MICU1: variants seen among roughly 807,000 people sequenced by gnomAD.
MICU1 encodes the protein calcium uptake protein 1, mitochondrial.
Under a neutral mutation model 56.8 loss-of-function variants are expected in MICU1, and 45 were observed. That is an observed-to-expected ratio of 0.79 (90% CI 0.62 to 1.02). MICU1 has a LOEUF of 1.02. Among genes scored for constraint, MICU1 ranks in the 50% least tolerant of loss-of-function variants. MICU1 has a pLI of 0.00. For synonymous variants in MICU1, 186 were observed against 195.1 expected (o/e 0.95, Z 0.39); for missense variants, 504 against 587.1 (o/e 0.86, Z 1.46).
intron 1 of MICU1, among the ~76,000 whole-genome samples, chr10:72,618,266 A>C (rs909872743): frequency 6.6e-6 from 1 of 151,904 alleles, no homozygotes; most frequent in Non-Finnish European, 1.5e-5. Context: ...ATAATTGCAT[A>C]CCTTTATTAT....
chr10:72,539,878 T>A (rs938503993), intron 4 of MICU1, among the ~76,000 whole-genome samples: 4 of 152,212 alleles, frequency 2.6e-5, no homozygotes, highest in African/African-American at 9.6e-5. Flanking sequence ...AGATAAATTA[T>A]TCTATCAACT....
chr10:72,453,588 G>C (rs1437010247), intron 8 of MICU1, among the ~76,000 whole-genome samples: 1 of 152,046 alleles, frequency 6.6e-6, no homozygotes, highest in Non-Finnish European at 1.5e-5. Flanking sequence ...GGAGTGCAGT[G>C]GCATATTCCT....
chr10:72,610,459 C>T (rs1841814319), intron 1 of MICU1, among the ~76,000 whole-genome samples: 1 of 151,902 alleles, frequency 6.6e-6, no homozygotes, highest in Non-Finnish European at 1.5e-5. Context: ...AGACTGTTTG[C>T]AAAGACACAA....
At chr10:72,574,919 T>C (rs1840702782) in intron 1 of MICU1, among the ~76,000 whole-genome samples, 1 of 152,072 alleles carries the variant, frequency 6.6e-6, no homozygotes, top group Non-Finnish European at 1.5e-5. Flanking sequence ...ACTGGACAAG[T>C]GCGCTCAAAA....
At chr10:72,617,344 T>TA (rs959549073) in intron 1 of MICU1, among the ~76,000 whole-genome samples, 3 of 152,056 alleles carry the variant, frequency 2.0e-5, no homozygotes, top group African/African-American at 4.8e-5. Context: ...TTCCTCAATT[T>TA]AAAAAAAATT....
intron 1 of MICU1, among the ~76,000 whole-genome samples, chr10:72,590,987 T>C (rs1257477310): frequency 6.6e-6 from 1 of 151,870 alleles, no homozygotes; most frequent in Non-Finnish European, 1.5e-5. Context: ...AGCTAAAAGT[T>C]AGGCCACAAA....
chr10:72,434,593 C>G (rs1282820030), intron 8 of MICU1, among the ~76,000 whole-genome samples: 1 of 152,102 alleles, frequency 6.6e-6, no homozygotes, highest in East Asian at 1.9e-4. Flanking sequence ...CAAAGATGTT[C>G]TTCTTTTCAT....
At chr10:72,584,602 G>C (rs1190050366) in intron 1 of MICU1, among the ~76,000 whole-genome samples, 2 of 151,694 alleles carry the variant, frequency 1.3e-5, no homozygotes, top group African/African-American at 4.9e-5. Flanking sequence ...GCCCAAGCTG[G>C]AGTGCAGTGG....
intron 10 of MICU1, among the ~76,000 whole-genome samples, chr10:72,380,168 G>C (rs1034390752): frequency 1.3e-5 from 2 of 152,124 alleles, no homozygotes; most frequent in Admixed American, 6.6e-5. Context: ...CTGGAATTCT[G>C]GCCTCCCTAT....
intron 1 of MICU1, among the ~76,000 whole-genome samples, chr10:72,574,887 G>C (rs1840702217): frequency 1.3e-5 from 2 of 152,094 alleles, no homozygotes; most frequent in Non-Finnish European, 2.9e-5. Context: ...TGCCATTACT[G>C]GGCAAGTGTT....
chr10:72,421,039 A>ATAC (rs1864152770), intron 9 of MICU1, among the ~76,000 whole-genome samples: 1 of 148,600 alleles, frequency 6.7e-6, no homozygotes, highest in African/African-American at 2.4e-5. Context: ...AATAATAATA[A>ATAC]TAAAAAGAAA....
Position 72,368,082 on chromosome 10 carries a change from C to G in MICU1, c.*113G>C, listed in dbSNP as rs1320072376. On this transcript the variant is annotated 3_prime_UTR_variant, in exon 12 of 12. Transcript: ENST00000361114. ...AAACCGACAGAGTCCTGAGGTCATC[C>G]CGGGAGGAAGGGGGACTACTTCCAG... 8.6e-7 allele frequency: 1 copy of G among 1,169,514 alleles called. No individual in the cohort carries two copies. The highest frequency in any genetic ancestry group is 1.2e-6 in the Non-Finnish European group (1 of 835,228). The allele number at this position is 1,169,514 out of a possible 1,614,324, so 72.4% of individuals were successfully genotyped here.
chr10:72,611,203 T>C (rs888492928), intron 1 of MICU1, among the ~76,000 whole-genome samples: 2 of 150,984 alleles, frequency 1.3e-5, no homozygotes, highest in Non-Finnish European at 2.9e-5. Context: ...CTCGGGAGGC[T>C]GAGGCAGGAG....
chr10:72,440,067 C>CA (rs902644430), intron 8 of MICU1, among the ~76,000 whole-genome samples: 4 of 151,630 alleles, frequency 2.6e-5, no homozygotes, highest in South Asian at 2.1e-4. Flanking sequence ...TCACATGGAA[C>CA]AAAAAAAAGA....
At chr10:72,444,444 C>CTTTTTTTTTTTTTTTTTTTTT (rs754274260) in intron 8 of MICU1, among the ~76,000 whole-genome samples, 1 of 107,666 alleles carries the variant, frequency 9.3e-6, no homozygotes, top group African/African-American at 4.0e-5. Flanking sequence ...GAGTCTTTGC[C>CTTTTTTTTTTTTTTTTTTTTT]TTTTTTTTTT....
chr10:72,565,638 A>AT (rs1021048704), intron 2 of MICU1, among the ~76,000 whole-genome samples: 1 of 95,166 alleles, frequency 1.1e-5, no homozygotes, highest in African/African-American at 3.7e-5. Flanking sequence ...TTAAAGTATA[A>AT]TAAAAAAAAA....
chr10:72,502,566 C>T lies in MICU1; in HGVS notation c.652+5589G>A, dbSNP rs78223395. 6.8e-4 allele frequency among the ~76,000 whole-genome samples: 103 copies of T among 152,298 alleles called. 2 individuals carry two copies. The East Asian group carries it at 0.018, about 26-fold the overall frequency. ...GCTGGTTTTCTGTGGCCCTGCTATC[C>T]ATCAGAGTAACAGATGAATGCATAT... On this transcript the variant is annotated intron_variant, in intron 6 of 11. Transcript: ENST00000361114.
At chr10:72,569,221 ATATATATATATATATATTT>A (rs1171122877) in intron 1 of MICU1, among the ~76,000 whole-genome samples, 8 of 38,504 alleles carry the variant, frequency 2.1e-4, no homozygotes, top group African/African-American at 1.0e-3. Context: ...ATATATATAT[ATATATATATATATATATTT>A]TTTTTTTTTT....
intron 6 of MICU1, among the ~76,000 whole-genome samples, chr10:72,496,868 G>A (rs186196778): frequency 1.7e-4 from 26 of 151,848 alleles, no homozygotes; most frequent in Middle Eastern, 3.4e-3. Flanking sequence ...CACTGTGCCC[G>A]GCCAGAAAAA....
Sources: gnomAD v4.1 joint callset for allele counts (sites outside exome capture counted in the v4.1 genomes callset) on GRCh38, gnomAD v4.1.1 for gene constraint, MANE v1.5 for transcripts, NCBI Gene and HGNC (gene_info 2026-07-23, HGNC 2026-07-21) for gene names.